The following SRP72 variants were observed in gnomAD, a reference collection of about 807,000 sequenced individuals.
SRP72 encodes the protein signal recognition particle subunit SRP72.
A neutral mutation model predicts 96.3 loss-of-function variants in SRP72; 49 were observed. The ratio of observed to expected loss-of-function variants is 0.51; its 90% CI spans 0.40 to 0.65. The LOEUF (loss-of-function observed/expected upper bound fraction) is 0.65, where lower values mean the gene tolerates loss of function less well. Ranked by LOEUF, SRP72 falls within the 30% of genes least tolerant of loss-of-function variation. SRP72 has a pLI of 0.00. For synonymous variants in SRP72, 267 were observed against 275.2 expected (o/e 0.97, Z 0.30); for missense variants, 736 against 793.3 (o/e 0.93, Z 0.87).
At position 56,476,662 on chromosome 4, in the gene SRP72, C is replaced by G; in HGVS notation, c.611-9C>G. ...CAATACTACTTTTAAAACAATTTTT[C>G]TCCTGTAGATCTTTGCCGCCGTTCA... On this transcript the variant is annotated splice_polypyrimidine_tract_variant and intron_variant, in intron 5 of 18. Transcript: ENST00000642900. The G allele has an allele frequency of 6.2e-7, 1 of 1,611,938 alleles. No individual in the cohort carries two copies. The highest frequency in any genetic ancestry group is 8.5e-7 in the Non-Finnish European group (1 of 1,179,650).
intron 3 of SRP72, 69 bp from the exon 4 acceptor site, chr4:56,473,984 AG>A: frequency 6.7e-7 from 1 of 1,491,322 alleles, no homozygotes; most frequent in South Asian, 1.4e-5. Context: ...GTTCCAAAAA[AG>A]GTTTGCATGA....
intron 17 of SRP72, among the ~76,000 whole-genome samples, chr4:56,496,219 AT>A (rs1206765449): frequency 6.6e-6 from 1 of 152,102 alleles, no homozygotes; most frequent in Non-Finnish European, 1.5e-5. Flanking sequence ...AAATCAGGTT[AT>A]TTCTTGATTT....
intron 5 of SRP72, chr4:56,475,884 T>G (rs988605462): frequency 6.6e-6 from 1 of 152,178 alleles, no homozygotes; most frequent in Non-Finnish European, 1.5e-5. Flanking sequence ...TGAAGGAATA[T>G]TCATAAGAAC....
intron 3 of SRP72, 99 bp from the exon 4 acceptor site, chr4:56,473,955 C>A: frequency 1.7e-6 from 2 of 1,171,284 alleles, no homozygotes; most frequent in Non-Finnish European, 2.4e-6. Context: ...TTATGCTGAA[C>A]TAGGATTCCT....
At position 56,502,465 on chromosome 4, in the gene SRP72, T is replaced by TTATATA. The variant is rs201131530; in HGVS notation, c.*616_*621dup. On this transcript the variant is annotated 3_prime_UTR_variant, in exon 19 of 19. Transcript: ENST00000642900. ...CTGGAATATGGGATACTTTTCATGT[T>TTATATA]TATATATATATATATATGTATATAT... The TTATATA allele has an allele frequency of 2.3e-5, 3 of 129,336 alleles. No individual in the cohort carries two copies. The South Asian group carries it at 7.3e-4, about 31-fold the overall frequency. The allele number at this position is 129,336 out of a possible 1,614,324, so 8.0% of individuals were successfully genotyped here.
intron 8 of SRP72, among the ~76,000 whole-genome samples, chr4:56,480,533 TATAGGCATGAGCCACC>T (rs1720442351): frequency 6.6e-6 from 1 of 152,224 alleles, no homozygotes; most frequent in African/African-American, 2.4e-5. Context: ...GTGTTGGGAT[TATAGGCATGAGCCACC>T]ACACCCAGCC....
At chr4:56,487,667 T>G (rs1337607120) in intron 11 of SRP72, among the ~76,000 whole-genome samples, 1 of 152,158 alleles carries the variant, frequency 6.6e-6, no homozygotes, top group African/African-American at 2.4e-5. Context: ...CTCAACAGAC[T>G]GGGAGCTGGG....
chr4:56,497,429 T>C (rs1185972164), intron 17 of SRP72, among the ~76,000 whole-genome samples: 3 of 151,864 alleles, frequency 2.0e-5, no homozygotes, highest in East Asian at 1.9e-4. Context: ...CCATGTTAGC[T>C]AGGATGGTCT....
intron 11 of SRP72, among the ~76,000 whole-genome samples, chr4:56,486,622 A>G (rs1720719738): frequency 6.6e-6 from 1 of 152,326 alleles, no homozygotes; most frequent in Non-Finnish European, 1.5e-5. Flanking sequence ...TTCTTAATCT[A>G]TGCCTTGAAA....
At chr4:56,477,060 G>A (rs2110116162) in intron 6 of SRP72, 1 of 180,676 alleles carries the variant, frequency 5.5e-6, no homozygotes, top group East Asian at 1.5e-4. Flanking sequence ...TACACTTTTG[G>A]TTTTTCTTTT....
rs747009982 is a variant in SRP72, at chr4:56,474,109, G to A, written c.410G>A (p.Arg137Gln). ...ECLAVYRDLVRNSQDDYDEER... is the reference protein window; with the variant it reads ...ECLAVYRDLVQNSQDDYDEER... ...TTAGCAGTGTATAGAGATCTCGTCC[G>A]AAACTCCCAAGATGATTATGATGAG... Residue 137 changes from arginine (R) to glutamine (Q), a missense_variant, in exon 4 of 19, where the codon CGA (arginine) becomes CAA (glutamine). Around this residue, in one of 3 missense-constraint regions of SRP72, gnomAD observed 329 missense variants for 319.0 expected, o/e 1.03. Coordinates refer to ENST00000642900, the MANE Select transcript of SRP72 (RefSeq NM_006947.4). 11 of 1,613,984 alleles carry A rather than the reference G, an allele frequency of 6.8e-6. No homozygotes were observed. Among genetic ancestry groups the A allele is most frequent in the East Asian group, 6.7e-5 (3 of 44,894 alleles).
At chr4:56,468,500 T>TTC (rs1719838555) in intron 1 of SRP72, among the ~76,000 whole-genome samples, 1 of 152,166 alleles carries the variant, frequency 6.6e-6, no homozygotes, top group Non-Finnish European at 1.5e-5. Context: ...CTGCTTAATG[T>TTC]TCTCGGTGGT....
chr4:56,487,680 A>T (rs1245903552), intron 11 of SRP72, among the ~76,000 whole-genome samples: 1 of 152,104 alleles, frequency 6.6e-6, no homozygotes, highest in Non-Finnish European at 1.5e-5. Context: ...GAGCTGGGAG[A>T]CTTCTTTTCT....
chr4:56,495,395 G>GTAAGCC lies in SRP72; in HGVS notation c.1678+5_1678+6insCCTAAG, dbSNP rs1467228160. On this transcript the variant is annotated splice_donor_variant, in intron 17 of 18. Coordinates refer to ENST00000642900, the MANE Select transcript of SRP72 (RefSeq NM_006947.4). LOFTEE classifies it high-confidence loss of function. ...AAAAAGAAGAAAAAGAAAAAGAAGGGTAAGGCATTAAAAAAGTCTTTATAA... is the reference window on the plus strand; with the variant it reads ...AAAAAGAAGAAAAAGAAAAAGAAGGGTAAGCCTAAGGCATTAAAAAAGTCTTTATAA... The GTAAGCC allele has an allele frequency of 2.0e-6, 3 of 1,485,788 alleles. No individual in the cohort carries two copies. In the South Asian group the frequency reaches 3.5e-5, roughly 18 times the overall value. 92.0% of individuals were successfully genotyped at this position (1,485,788 alleles called of 1,614,324 possible).
chr4:56,490,676 C>G, intron 15 of SRP72, 31 bp downstream of exon 15: 1 of 1,554,570 alleles, frequency 6.4e-7, no homozygotes, highest in Non-Finnish European at 8.9e-7. Context: ...CCTTACAGCT[C>G]CTCAGTAGCA....
chr4:56,495,461 A>C lies in SRP72; in HGVS notation c.1678+67A>C, dbSNP rs11934479. The C allele has an allele frequency of 0.076, 82,353 of 1,083,184 alleles. 4,630 individuals are homozygous for C. The highest frequency in any genetic ancestry group is 0.22 in the African/African-American group (13,640 of 62,470). The allele number at this position is 1,083,184 out of a possible 1,614,324, so 67.1% of individuals were successfully genotyped here. On this transcript the variant is annotated intron_variant, in intron 17 of 18. Coordinates refer to ENST00000642900, the MANE Select transcript of SRP72 (RefSeq NM_006947.4). ...AATGTTTGATTTTAGCCCTATATAG[A>C]AATATTTGGACATAAATATACTGCC...
chr4:56,489,222 T>G (rs377757374), intron 12 of SRP72, 166 bp from the exon 13 acceptor site: 2 of 421,394 alleles, frequency 4.7e-6, no homozygotes, highest in South Asian at 1.6e-4. Context: ...TTCATGGTAT[T>G]TCTAGAAGTA....
chr4:56,469,240 A>G (rs1719867711), intron 1 of SRP72, among the ~76,000 whole-genome samples: 1 of 152,236 alleles, frequency 6.6e-6, no homozygotes, highest in African/African-American at 2.4e-5. Flanking sequence ...TTTAGTGGCA[A>G]GCTTGCACCA....
chr4:56,474,913 G>A (rs1720146974), intron 5 of SRP72, among the ~76,000 whole-genome samples: 1 of 152,190 alleles, frequency 6.6e-6, no homozygotes. Context: ...TCAAATTCCT[G>A]TCGTCAAGTG....
Sources: gnomAD v4.1 joint callset for allele counts (sites outside exome capture counted in the v4.1 genomes callset) on GRCh38, gnomAD v4.1.1 for gene constraint, gnomAD v4.1.1 regional missense constraint, MANE v1.5 for transcripts, NCBI Gene and HGNC (gene_info 2026-07-23, HGNC 2026-07-21) for gene names.